PEDS1: variants seen among roughly 807,000 people sequenced by gnomAD.
PEDS1 encodes plasmanylethanolamine desaturase 1.
PEDS1 carries 14 observed loss-of-function variants against 35.2 expected under a neutral mutation model. That is an observed-to-expected ratio of 0.40 (90% CI 0.26 to 0.62). PEDS1 has a LOEUF of 0.62. Among genes scored for constraint, PEDS1 ranks in the 20% least tolerant of loss-of-function variants. The pLI is 0.44. For missense variants in PEDS1, 260 were observed against 367.8 expected (o/e 0.71, Z 2.40); for synonymous variants, 152 against 152.0 (o/e 1.00, Z 0.00).
chr20:50,130,333 C>T lies in PEDS1; in HGVS notation c.333+523G>A, dbSNP rs180958531. 1.4e-3 allele frequency among the ~76,000 whole-genome samples: 213 copies of T among 152,164 alleles called. 2 individuals are homozygous for T. The highest frequency in any genetic ancestry group is 4.9e-3 in the African/African-American group (203 of 41,514). Reference sequence around the variant, plus strand: ...GGAGCTGGAAGGATGGATCTCTGGGCGGTGAGAAAGCACACTGGCCACCTT... The same window carrying T: ...GGAGCTGGAAGGATGGATCTCTGGGTGGTGAGAAAGCACACTGGCCACCTT... On this transcript the variant is annotated intron_variant, in intron 3 of 5. Transcript: ENST00000371652.
chr20:50,138,190 T>C (rs1383908520), intron 2 of PEDS1, among the ~76,000 whole-genome samples: 1 of 152,120 alleles, frequency 6.6e-6, no homozygotes, highest in Non-Finnish European at 1.5e-5. Flanking sequence ...AAAGTCTGTT[T>C]TTCAAAAAGT....
intron 1 of PEDS1, chr20:50,151,209 T>C (rs954894757): frequency 7.7e-7 from 1 of 1,297,304 alleles, no homozygotes; most frequent in African/African-American, 1.5e-5. Flanking sequence ...TCTCCTCCCC[T>C]ACCTCCAGGT....
At chr20:50,152,682 G>A (rs2081417389) in intron 1 of PEDS1, among the ~76,000 whole-genome samples, 1 of 152,154 alleles carries the variant, frequency 6.6e-6, no homozygotes, top group Admixed American at 6.5e-5. Flanking sequence ...TCTGGTCTGG[G>A]GAATATGGGG....
At chr20:50,139,710 C>T (rs2081273635) in intron 2 of PEDS1, among the ~76,000 whole-genome samples, 1 of 149,224 alleles carries the variant, frequency 6.7e-6, no homozygotes. Flanking sequence ...GAGGAAGTCT[C>T]ACTCTGTCGC....
In PEDS1 at chr20:50,153,713, C is replaced by G; in HGVS notation, c.-76G>C. 1 of 1,145,444 alleles carries G rather than the reference C, an allele frequency of 8.7e-7. No homozygotes were observed. The highest frequency in any genetic ancestry group is 1.1e-6 in the Non-Finnish European group (1 of 933,420). The allele number at this position is 1,145,444 out of a possible 1,614,324, so 71.0% of individuals were successfully genotyped here. On this transcript the variant is annotated 5_prime_UTR_variant, in exon 1 of 6. Transcript: ENST00000371652. ...GGGCCGCGGAACCGCGGCGAGATCA[C>G]GCCGCCCAATGACCGCCCAGCGCCG...
At chr20:50,132,244 G>A (rs1324208800) in intron 2 of PEDS1, among the ~76,000 whole-genome samples, 3 of 152,040 alleles carry the variant, frequency 2.0e-5, no homozygotes, top group South Asian at 4.1e-4. Context: ...TAACATTTAC[G>A]AGCACTTTCT....
intron 1 of PEDS1, 25 bp from the exon 2 acceptor site, chr20:50,143,646 A>G (rs764684630): frequency 6.2e-7 from 1 of 1,613,354 alleles, no homozygotes; most frequent in East Asian, 2.2e-5. Context: ...GGCGAGAGGT[A>G]AAGGCTGGAA....
At chr20:50,153,435 G>A (rs1187351262) in intron 1 of PEDS1, 82 bp downstream of exon 1, 11 of 1,239,742 alleles carry the variant, frequency 8.9e-6, no homozygotes, top group East Asian at 3.2e-5. Context: ...ATCTGGGCCC[G>A]AGGTTGGGAC....
At chr20:50,137,862 C>T (rs898899371) in intron 2 of PEDS1, among the ~76,000 whole-genome samples, 3 of 152,078 alleles carry the variant, frequency 2.0e-5, no homozygotes, top group Non-Finnish European at 2.9e-5. Context: ...AGTGAGACTC[C>T]GTCTCAAAAA....
chr20:50,153,542 G>C lies in PEDS1; in HGVS notation c.96C>G (p.Arg32=). The change falls in exon 1 of 6, where the codon CGC becomes CGG. Residue 32 remains arginine (R), a synonymous_variant. Coordinates refer to ENST00000371652, the MANE Select transcript of PEDS1 (RefSeq NM_199129.4). ...CRWGAQHAGA[R]ELAALYSPGK... The stretch of plus-strand genomic sequence containing the variant: ...CTGGCGAGTAGAGCGCAGCCAGCTC[G>C]CGGGCCCCGGCGTGCTGCGCGCCCC... 7.0e-7 allele frequency: 1 copy of C among 1,429,242 alleles called. No homozygotes were observed. 88.5% of individuals were successfully genotyped at this position (1,429,242 alleles called of 1,614,324 possible). A position where few individuals can be genotyped will look rare whatever the true frequency, so the allele number is the denominator to read the frequency against.
chr20:50,134,151 C>A (rs1374500806), intron 2 of PEDS1, among the ~76,000 whole-genome samples: 2 of 152,226 alleles, frequency 1.3e-5, no homozygotes, highest in African/African-American at 2.4e-5. Flanking sequence ...TAGGCCTCAG[C>A]ATCTTTACTT....
At chr20:50,141,042 C>A (rs2147292901) in intron 2 of PEDS1, among the ~76,000 whole-genome samples, 1 of 152,276 alleles carries the variant, frequency 6.6e-6, no homozygotes, top group South Asian at 2.1e-4. Context: ...GAGATAGTGA[C>A]CTACCTGGGA....
At chr20:50,134,910 C>T (rs758073839) in intron 2 of PEDS1, among the ~76,000 whole-genome samples, 7 of 152,028 alleles carry the variant, frequency 4.6e-5, no homozygotes, top group African/African-American at 1.2e-4. Flanking sequence ...AGGCCGGGCA[C>T]GGTGGCTCAC....
rs997966182 is a variant in PEDS1 at position 50,119,913 on chromosome 20, C to G, written c.*5145G>C. The G allele has an allele frequency of 6.6e-6, 1 of 152,214 alleles. No individual in the cohort carries two copies. Among genetic ancestry groups the G allele is most frequent in the Non-Finnish European group, 1.5e-5 (1 of 68,058 alleles). The allele number at this position is 152,214 out of a possible 1,614,324, so 9.4% of individuals were successfully genotyped here. A position where few individuals can be genotyped will look rare whatever the true frequency, so the allele number is the denominator to read the frequency against. On this transcript the variant is annotated 3_prime_UTR_variant, in exon 6 of 6. Coordinates refer to ENST00000371652, the MANE Select transcript of PEDS1 (RefSeq NM_199129.4). ...ATGGCTGTGTGCCAATTCAGCTTTACAAACTGGAATTTGAATTTTCTGTGT... is the reference window on the plus strand; with the variant it reads ...ATGGCTGTGTGCCAATTCAGCTTTAGAAACTGGAATTTGAATTTTCTGTGT...
Position 50,153,692 on chromosome 20 carries a change from CGCGGA to C in PEDS1, c.-60_-56del. ...CTGCTGGCGGCGGCGGCGGCAGGGC[CGCGGA>C]ACCGCGGCGAGATCACGCCGCCCAA... On this transcript the variant is annotated 5_prime_UTR_variant, in exon 1 of 6. Coordinates refer to ENST00000371652, the MANE Select transcript of PEDS1 (RefSeq NM_199129.4). 1 of 1,185,676 alleles carries C rather than the reference CGCGGA, an allele frequency of 8.4e-7. No homozygotes were observed. Among genetic ancestry groups the C allele is most frequent in the Non-Finnish European group, 1.0e-6 (1 of 958,862 alleles). The allele number at this position is 1,185,676 out of a possible 1,614,324, so 73.4% of individuals were successfully genotyped here. A position where few individuals can be genotyped will look rare whatever the true frequency, so the allele number is the denominator to read the frequency against.
chr20:50,136,722 C>CAA (rs34195813), intron 2 of PEDS1, among the ~76,000 whole-genome samples: 11,657 of 69,760 alleles, frequency 0.17, 1,467 homozygotes, highest in African/African-American at 0.26. Flanking sequence ...GACTCTGCCT[C>CAA]AAAAAAAAAA....
intron 2 of PEDS1, among the ~76,000 whole-genome samples, chr20:50,141,604 T>G (rs1386751558): frequency 1.3e-5 from 2 of 152,236 alleles, no homozygotes; most frequent in African/African-American, 4.8e-5. Flanking sequence ...GTGGTAGAGC[T>G]GGGACTTAAA....
chr20:50,146,294 T>C (rs2081344570), intron 1 of PEDS1, among the ~76,000 whole-genome samples: 2 of 152,154 alleles, frequency 1.3e-5, no homozygotes, highest in Admixed American at 6.6e-5. Context: ...ATGCCTCCTC[T>C]GACCCCACAC....
chr20:50,126,818 C>T (rs540678600), intron 5 of PEDS1, among the ~76,000 whole-genome samples: 17 of 152,342 alleles, frequency 1.1e-4, no homozygotes, highest in East Asian at 7.7e-4. Context: ...CCTCCTTTCC[C>T]TTCCTCCACT....
Sources: gnomAD v4.1 joint callset for allele counts (sites outside exome capture counted in the v4.1 genomes callset) on GRCh38, gnomAD v4.1.1 for gene constraint, MANE v1.5 for transcripts, NCBI Gene and HGNC (gene_info 2026-07-23, HGNC 2026-07-21) for gene names.